The following MRPL28 variants were observed in gnomAD, a reference collection of about 807,000 sequenced individuals.
The protein encoded by MRPL28 is large ribosomal subunit protein bL28m.
MRPL28 carries 25 observed loss-of-function variants against 26.2 expected under a neutral mutation model. That is an observed-to-expected ratio of 0.95 (90% confidence interval 0.69 to 1.33). The LOEUF is 1.33. Ranked by LOEUF, MRPL28 falls within the 40% of genes most tolerant of loss-of-function variation. The probability of loss-of-function intolerance (pLI) is 0.00; values close to 1 mark genes in which losing one functional copy is unlikely to be tolerated. For synonymous variants in MRPL28, 227 were observed against 140.1 expected (o/e 1.62, Z -4.38); for missense variants, 432 against 327.2 (o/e 1.32, Z -2.47).
chr16:368,190 C>T, intron 5 of MRPL28, 138 bp downstream of exon 5: 1 of 1,004,420 alleles, frequency 1.0e-6, no homozygotes, highest in Non-Finnish European at 1.5e-6. Flanking sequence ...TCTGGGTGGG[C>T]AATGCAGAGC....
At chr16:369,007 C>A in intron 3 of MRPL28, 61 bp downstream of exon 3, 1 of 1,573,252 alleles carries the variant, frequency 6.4e-7, no homozygotes, top group African/African-American at 1.3e-5. Context: ...CCTGGGGCTC[C>A]CGTGAGTCTG....
rs2054270711 is a variant in MRPL28 at position 367,598 on chromosome 16, C to T, written c.*77G>A. The T allele has an allele frequency of 6.7e-6, 9 of 1,335,570 alleles. No homozygotes were observed. Among genetic ancestry groups the T allele is most frequent in the Middle Eastern group, 3.9e-4 (2 of 5,094 alleles). 82.7% of individuals were successfully genotyped at this position (1,335,570 alleles called of 1,614,324 possible). On this transcript the variant is annotated 3_prime_UTR_variant, in exon 6 of 6. Transcript: ENST00000199706. Reference sequence around the variant, plus strand: ...CCCACCGGTGGCCCTCACAGCTCCCCGGGATCTGTGTCCTCAGTGCAAAGG... The same window carrying T: ...CCCACCGGTGGCCCTCACAGCTCCCTGGGATCTGTGTCCTCAGTGCAAAGG...
At position 367,390 on chromosome 16, in the gene MRPL28, C is replaced by T. The variant is rs778598530; in HGVS notation, c.*285G>A. On this transcript the variant is annotated 3_prime_UTR_variant, in exon 6 of 6. Coordinates refer to ENST00000199706, the MANE Select transcript of MRPL28 (RefSeq NM_006428.5). ...CCAGTCCTCAAAGCAAAGATACACACACACAGCCTGGCCCAGACTTTACTC... is the reference window on the plus strand; with the variant it reads ...CCAGTCCTCAAAGCAAAGATACACATACACAGCCTGGCCCAGACTTTACTC... 1.4e-6 allele frequency: 1 copy of T among 693,802 alleles called. No individual in the cohort carries two copies. The highest frequency in any genetic ancestry group is 1.5e-5 in the South Asian group (1 of 65,950). The allele number at this position is 693,802 out of a possible 1,614,324, so 43.0% of individuals were successfully genotyped here. A position where few individuals can be genotyped will look rare whatever the true frequency, so the allele number is the denominator to read the frequency against.
chr16:367,288 T>A lies in MRPL28; in HGVS notation c.*387A>T. 1 of 583,420 alleles carries A rather than the reference T, an allele frequency of 1.7e-6. No homozygotes were observed. Among genetic ancestry groups the A allele is most frequent in the Admixed American group, 3.0e-5 (1 of 32,832 alleles). The allele number at this position is 583,420 out of a possible 1,614,324, so 36.1% of individuals were successfully genotyped here. On this transcript the variant is annotated 3_prime_UTR_variant, in exon 6 of 6. Coordinates refer to ENST00000199706, the MANE Select transcript of MRPL28 (RefSeq NM_006428.5). ...CACCGGGGGACGGGCACAGCCAGAGTCAATGCCCACGGCTCATCCGAGGTC... is the reference window on the plus strand; with the variant it reads ...CACCGGGGGACGGGCACAGCCAGAGACAATGCCCACGGCTCATCCGAGGTC...
At chr16:367,824 G>C in intron 5 of MRPL28, 42 bp from the exon 6 acceptor site, 1 of 1,568,428 alleles carries the variant, frequency 6.4e-7, no homozygotes, top group South Asian at 1.1e-5. Context: ...GGGAAGCCCA[G>C]GGCAGCTGGA....
Position 369,944 on chromosome 16 carries a change from G to C in MRPL28, c.275C>G (p.Ala92Gly). 6.2e-7 allele frequency: 1 copy of C among 1,610,654 alleles called. No individual in the cohort carries two copies. The highest frequency in any genetic ancestry group is 8.5e-7 in the Non-Finnish European group (1 of 1,179,582). The change falls in exon 2 of 6, where the codon GCC (alanine) becomes GGC (glycine). Residue 92 changes from alanine (A) to glycine (G), a missense_variant. Transcript: ENST00000199706. ...CTGCGGACCCACCTTGTCGTTGTTG[G>C]CATATATTTGGCCCAGGATCCAGCC... The part of the protein sequence containing the change: ...GEGWILGQIY[A>G]NNDKLSKRLK...
rs141675853 is a variant in MRPL28, at chr16:369,086, G to A, written c.423C>T (p.Leu141=). ...TLDLIDEAYG[L]DFYILKTPKE... is the part of the protein sequence containing the mutation. ...CGCTTGCCTTGAGGATGTAAAAGTC[G>A]AGCCCATAAGCCTCATCGATGAGGT... Residue 141 remains leucine (L), a synonymous_variant, in exon 3 of 6, where the codon CTC becomes CTT. Transcript: ENST00000199706. The A allele has an allele frequency of 1.5e-4, 236 of 1,613,756 alleles. 1 individual carries two copies. The African/African-American group carries it at 2.5e-3, about 17-fold the overall frequency.
Position 367,773 on chromosome 16 carries a change from G to A in MRPL28, c.673C>T (p.Pro225Ser). 1.9e-6 allele frequency: 3 copies of A among 1,613,702 alleles called. No homozygotes were observed. The highest frequency in any genetic ancestry group is 2.2e-5 in the East Asian group (1 of 44,878). The change falls in exon 6 of 6, where the codon CCC becomes TCC. Residue 225 changes from proline to serine, a missense_variant. Pro to Ser is a moderately conservative substitution (Grantham distance 74, BLOSUM62 -1). Transcript: ENST00000199706. ...TCCGCCACATAGATCTTGAACAGGGGTACAGGGTCCTGAAGGAGAGAGGGG... is the reference window on the plus strand; with the variant it reads ...TCCGCCACATAGATCTTGAACAGGGATACAGGGTCCTGAAGGAGAGAGGGG... The part of the protein sequence containing the change: ...QRLLEEKDPV[P>S]LFKIYVAELI...
At chr16:369,035 C>G (rs374403462) in intron 3 of MRPL28, 33 bp downstream of exon 3, 3 of 1,606,456 alleles carry the variant, frequency 1.9e-6, no homozygotes, top group African/African-American at 1.3e-5. Flanking sequence ...CATCCCAGAC[C>G]CTGTGTGCAC....
At chr16:368,907 C>T (rs1342087687) in intron 3 of MRPL28, 161 bp downstream of exon 3, 1 of 1,086,308 alleles carries the variant, frequency 9.2e-7, no homozygotes, top group Non-Finnish European at 1.3e-6. Flanking sequence ...GGAAACCCCA[C>T]TGGTGCTGGC....
In MRPL28 at chr16:368,311, G is replaced by A; in HGVS notation, c.663+17C>T. The A allele has an allele frequency of 6.2e-7, 1 of 1,612,544 alleles. No homozygotes were observed. Among genetic ancestry groups the A allele is most frequent in the Non-Finnish European group, 8.5e-7 (1 of 1,179,258 alleles). On this transcript the variant is annotated intron_variant, in intron 5 of 5. Transcript: ENST00000199706. The stretch of plus-strand genomic sequence containing the variant: ...AGGCTCTGGGCAGGCAGCATCGGCT[G>A]GTGCTCACACACTCACCTTCTCCTC...
At position 367,749 on chromosome 16, in the gene MRPL28, C is replaced by G. The variant is rs536289279; in HGVS notation, c.697G>C (p.Glu233Gln). The G allele has an allele frequency of 3.1e-6, 5 of 1,613,850 alleles. No individual in the cohort carries two copies. The African/African-American group carries it at 6.7e-5, about 22-fold the overall frequency. The change falls in exon 6 of 6, where the codon GAG becomes CAG. Residue 233 changes from glutamate to glutamine, a missense_variant. Physicochemically the swap from Glu to Gln is conservative, Grantham distance 29. Coordinates refer to ENST00000199706, the MANE Select transcript of MRPL28 (RefSeq NM_006428.5). ...PVPLFKIYVAELIQQLQQQAL... is the reference protein window; with the variant it reads ...PVPLFKIYVAQLIQQLQQQAL... ...TGCTGCTGCAGCTGCTGGATCAGCT[C>G]CGCCACATAGATCTTGAACAGGGGT...
chr16:369,220 G>C lies in MRPL28; in HGVS notation c.289C>G (p.Leu97Val), dbSNP rs778781163. Residue 97 changes from leucine to valine, a missense_variant and splice_region_variant, in exon 3 of 6, where the codon CTC becomes GTC. Transcript: ENST00000199706. ...LGQIYANNDK[L>V]SKRLKKVWKP... ...CACACTTTCTTCAGCCTCTTGGAGA[G>C]CTGAGGGTGCAACAGAGCCTCCATG... is the stretch of plus-strand genomic sequence containing the variant. 6.2e-7 allele frequency: 1 copy of C among 1,613,718 alleles called. No homozygotes were observed. Among genetic ancestry groups the C allele is most frequent in the African/African-American group, 1.3e-5 (1 of 74,936 alleles).
intron 2 of MRPL28, chr16:369,689 G>T: frequency 1.4e-6 from 1 of 690,690 alleles, no homozygotes. Context: ...ACTTTACCCC[G>T]ACTCCCCACG....
At position 369,203 on chromosome 16, in the gene MRPL28, C is replaced by G; in HGVS notation, c.306G>C (p.Lys102Asn). The stretch of plus-strand genomic sequence containing the variant: ...CAAACAGCTGTGGCTTCCACACTTT[C>G]TTCAGCCTCTTGGAGAGCTGAGGGT... Reference protein sequence around the residue: ...ANNDKLSKRLKKVWKPQLFER... With the variant: ...ANNDKLSKRLNKVWKPQLFER... Residue 102 changes from lysine to asparagine, a missense_variant, in exon 3 of 6, where the codon AAG becomes AAC. Physicochemically the swap from Lys to Asn is moderately conservative, Grantham distance 94 (BLOSUM62 0). Coordinates refer to ENST00000199706, the MANE Select transcript of MRPL28 (RefSeq NM_006428.5). 1.2e-6 allele frequency: 2 copies of G among 1,613,992 alleles called. No homozygotes were observed. Among genetic ancestry groups the G allele is most frequent in the Non-Finnish European group, 1.7e-6 (2 of 1,179,934 alleles).
intron 2 of MRPL28, 194 bp from the exon 3 acceptor site, chr16:369,414 C>G (rs2054296062): frequency 1.5e-6 from 1 of 669,074 alleles, no homozygotes. Flanking sequence ...TGACTGTGTA[C>G]CCAGAAGTCA....
chr16:368,036 C>T (rs2054276620), intron 5 of MRPL28, among the ~76,000 whole-genome samples: 1 of 152,244 alleles, frequency 6.6e-6, no homozygotes, highest in Non-Finnish European at 1.5e-5. Context: ...TCAGGGGCTC[C>T]CTGTCCTGAC....
intron 1 of MRPL28, 101 bp from the exon 2 acceptor site, chr16:370,326 CGGCTCTCACCCG>C: frequency 7.2e-7 from 1 of 1,396,978 alleles, no homozygotes; most frequent in South Asian, 1.5e-5. Flanking sequence ...CCCCGGCCCC[CGGCTCTCACCCG>C]CTACCCCGGC....
intron 2 of MRPL28, 22 bp downstream of exon 2, chr16:369,909 T>C (rs769375297): frequency 1.3e-5 from 21 of 1,594,520 alleles, no homozygotes; most frequent in Non-Finnish European, 1.8e-5. Flanking sequence ...GAGGAGCCCC[T>C]GAAGGCCGCC....
Sources: allele counts gnomAD v4.1 joint callset (sites outside exome capture counted in the v4.1 genomes callset), GRCh38; gene constraint gnomAD v4.1.1; transcripts MANE v1.5; gene names NCBI Gene and HGNC (gene_info 2026-07-23, HGNC 2026-07-21).